The following PARD3 variants were observed in gnomAD, a reference collection of about 807,000 sequenced individuals.
PARD3 encodes partitioning defective 3 homolog.
In PARD3, 75 loss-of-function variants were observed where a neutral mutation model predicts 155.4. That is an observed-to-expected ratio of 0.48 (90% CI 0.40 to 0.58). The LOEUF (loss-of-function observed/expected upper bound fraction) is 0.58. Ranked by LOEUF, PARD3 falls within the 20% of genes least tolerant of loss-of-function variation. PARD3 has a pLI of 0.00. For missense variants in PARD3, 1,642 were observed against 1,721.7 expected, an observed-to-expected ratio of 0.95 and a Z score of 0.82; for synonymous variants, 576 against 610.5, an observed-to-expected ratio of 0.94 and a Z score of 0.83.
chr10:34,525,334 G>A (rs2082400850), intron 2 of PARD3, among the ~76,000 whole-genome samples: 1 of 152,340 alleles, frequency 6.6e-6, no homozygotes, highest in Non-Finnish European at 1.5e-5. Flanking sequence ...AAAATACCAT[G>A]AGCACATTAA....
intron 5 of PARD3, among the ~76,000 whole-genome samples, chr10:34,403,073 A>G (rs1412303155): frequency 1.3e-5 from 2 of 152,178 alleles, no homozygotes; most frequent in African/African-American, 4.8e-5. Flanking sequence ...TTTGGCACCT[A>G]CTAGAAGCTC....
intron 12 of PARD3, among the ~76,000 whole-genome samples, chr10:34,368,092 TACAA>T (rs929138917): frequency 3.9e-5 from 6 of 152,034 alleles, no homozygotes; most frequent in African/African-American, 1.2e-4. Flanking sequence ...CTACTAAAAA[TACAA>T]ACAATTAGCC....
At chr10:34,516,440 T>C (rs552456353) in intron 3 of PARD3, among the ~76,000 whole-genome samples, 1 of 152,314 alleles carries the variant, frequency 6.6e-6, no homozygotes, top group Non-Finnish European at 1.5e-5. Context: ...AGATCTGGAA[T>C]ACCCAGGGTC....
At chr10:34,129,798 C>CA (rs1947505915) in intron 23 of PARD3, among the ~76,000 whole-genome samples, 1 of 149,536 alleles carries the variant, frequency 6.7e-6, no homozygotes, top group Non-Finnish European at 1.5e-5. Context: ...GCTGGGACCA[C>CA]AGGCATGTGC....
intron 2 of PARD3, among the ~76,000 whole-genome samples, chr10:34,543,932 T>A (rs1343699347): frequency 2.0e-5 from 3 of 152,196 alleles, no homozygotes; most frequent in African/African-American, 7.2e-5. Context: ...CGGTACCTGC[T>A]CCTGTCTGGC....
chr10:34,507,760 T>C (rs557370999), intron 3 of PARD3, among the ~76,000 whole-genome samples: 1 of 152,174 alleles, frequency 6.6e-6, no homozygotes, highest in African/African-American at 2.4e-5. Context: ...TTAATAGATA[T>C]ATGACCTTGT....
chr10:34,167,184 T>C (rs893995737), intron 22 of PARD3, among the ~76,000 whole-genome samples: 1 of 152,206 alleles, frequency 6.6e-6, no homozygotes, highest in Non-Finnish European at 1.5e-5. Flanking sequence ...TGACCAACTA[T>C]ATGCTGTTCA....
At chr10:34,446,963 C>A (rs2076770628) in intron 5 of PARD3, among the ~76,000 whole-genome samples, 1 of 152,152 alleles carries the variant, frequency 6.6e-6, no homozygotes, top group Admixed American at 6.5e-5. Flanking sequence ...TCAACAAAAT[C>A]ATTAATAATT....
At chr10:34,698,521 G>A (rs2094215831) in intron 1 of PARD3, among the ~76,000 whole-genome samples, 2 of 152,130 alleles carry the variant, frequency 1.3e-5, no homozygotes, top group East Asian at 3.9e-4. Context: ...CCCCAAAGCA[G>A]ATCAGCAGTC....
At chr10:34,533,260 A>G (rs897316176) in intron 2 of PARD3, among the ~76,000 whole-genome samples, 1 of 152,060 alleles carries the variant, frequency 6.6e-6, no homozygotes, top group African/African-American at 2.4e-5. Context: ...AACAATAGAC[A>G]CTGAACACTA....
At chr10:34,292,155 C>G (rs554448390) in intron 20 of PARD3, among the ~76,000 whole-genome samples, 5 of 152,258 alleles carry the variant, frequency 3.3e-5, no homozygotes, top group Admixed American at 1.3e-4. Context: ...TCAAACTGCC[C>G]AAACCCATTC....
intron 7 of PARD3, among the ~76,000 whole-genome samples, chr10:34,392,179 T>C (rs980801258): frequency 2.6e-5 from 4 of 152,064 alleles, no homozygotes; most frequent in Admixed American, 1.3e-4. Flanking sequence ...AATAAATCAA[T>C]TTTAAAAATA....
rs929908395 is a variant in PARD3 at position 34,395,861 on chromosome 10, A to G, written c.890+3469T>C. Among the ~76,000 whole-genome samples the G allele has an allele frequency of 7.3e-5, 11 of 151,264 alleles. 4 individuals are homozygous for G. The highest frequency in any genetic ancestry group is 1.6e-4 in the Non-Finnish European group (11 of 67,882). Reference sequence around the variant, plus strand: ...TCCGTCTCAAAAAAAAAAAAAAAAAAAAAAAAGAAAAACATCATCATGGGG... The same window carrying G: ...TCCGTCTCAAAAAAAAAAAAAAAAAGAAAAAAGAAAAACATCATCATGGGG... On this transcript the variant is annotated intron_variant, in intron 7 of 24. Coordinates refer to ENST00000374788, the MANE Select transcript of PARD3 (RefSeq NM_001184785.2).
chr10:34,505,903 C>T (rs758944502), intron 3 of PARD3, among the ~76,000 whole-genome samples: 6 of 152,102 alleles, frequency 3.9e-5, no homozygotes, highest in African/African-American at 7.2e-5. Context: ...GAAGCTGAGG[C>T]AGGCTTGAGG....
chr10:34,571,761 T>G (rs1161707167), intron 2 of PARD3, among the ~76,000 whole-genome samples: 1 of 152,236 alleles, frequency 6.6e-6, no homozygotes, highest in Admixed American at 6.5e-5. Flanking sequence ...AGTCAAGTTT[T>G]GGGAACACTG....
intron 1 of PARD3, among the ~76,000 whole-genome samples, chr10:34,721,346 G>A (rs757624887): frequency 6.6e-6 from 1 of 152,174 alleles, no homozygotes; most frequent in Non-Finnish European, 1.5e-5. Context: ...GTTGTGGAGC[G>A]AACAGGGCGT....
At chr10:34,647,065 A>C (rs1263054834) in intron 2 of PARD3, among the ~76,000 whole-genome samples, 1 of 152,204 alleles carries the variant, frequency 6.6e-6, no homozygotes, top group Non-Finnish European at 1.5e-5. Context: ...GAGCTTTATT[A>C]ACTACTCATT....
intron 15 of PARD3, chr10:34,343,826 T>C: frequency 2.0e-6 from 2 of 980,564 alleles, no homozygotes; most frequent in South Asian, 9.5e-5. Flanking sequence ...ACAAACTAAG[T>C]AAACTAGTCA....
chr10:34,654,448 A>C (rs1177718040), intron 2 of PARD3, among the ~76,000 whole-genome samples: 6 of 152,068 alleles, frequency 3.9e-5, no homozygotes, highest in Admixed American at 3.9e-4. Flanking sequence ...CAGAATCCAA[A>C]CTCTCTGCTC....
Sources: allele counts gnomAD v4.1 joint callset (sites outside exome capture counted in the v4.1 genomes callset), GRCh38; gene constraint gnomAD v4.1.1; transcripts MANE v1.5; gene names NCBI Gene and HGNC (gene_info 2026-07-23, HGNC 2026-07-21).